Variants in GRK4 observed in about 807,000 individuals in gnomAD.
GRK4 encodes G protein-coupled receptor kinase 4.
Under a neutral mutation model 77.9 loss-of-function variants are expected in GRK4, and 73 were observed. That is an observed-to-expected ratio of 0.94 (90% CI 0.78 to 1.14). The LOEUF (loss-of-function observed/expected upper bound fraction) is 1.14. Ranked by LOEUF, GRK4 falls within the 50% of genes most tolerant of loss-of-function variation. GRK4 has a pLI of 0.00. For synonymous variants in GRK4, 257 were observed against 254.4 expected, an observed-to-expected ratio of 1.01 and a Z score of -0.10; for missense variants, 729 against 700.2, an observed-to-expected ratio of 1.04 and a Z score of -0.46.
intron 11 of GRK4, 46 bp from the exon 12 acceptor site, chr4:3,029,155 A>C: frequency 6.8e-7 from 1 of 1,471,362 alleles, no homozygotes; most frequent in Non-Finnish European, 9.4e-7. Context: ...AGAAAATTTA[A>C]AATCAAAATT....
intron 10 of GRK4, among the ~76,000 whole-genome samples, chr4:3,027,491 C>G (rs776645520): frequency 2.6e-5 from 4 of 152,312 alleles, no homozygotes; most frequent in Admixed American, 2.6e-4. Context: ...GAGAATAACT[C>G]CATATCATTC....
intron 4 of GRK4, among the ~76,000 whole-genome samples, chr4:3,001,369 ATTTTT>A (rs55673089): frequency 0.013 from 969 of 76,922 alleles, 32 homozygotes; most frequent in African/African-American, 0.057. Flanking sequence ...ATATATATAT[ATTTTT>A]TTTTTTTTTG....
chr4:3,000,153 T>C (rs1729100549), intron 4 of GRK4, among the ~76,000 whole-genome samples: 1 of 152,206 alleles, frequency 6.6e-6, no homozygotes. Context: ...TGATCCTTAA[T>C]GTAAAGCCCC....
chr4:2,971,478 A>G (rs1364585869), intron 1 of GRK4, among the ~76,000 whole-genome samples: 1 of 152,196 alleles, frequency 6.6e-6, no homozygotes, highest in African/African-American at 2.4e-5. Flanking sequence ...TACCTGATGG[A>G]TGAATGAATG....
At chr4:3,013,232 C>T (rs752645930) in intron 7 of GRK4, among the ~76,000 whole-genome samples, 1 of 151,716 alleles carries the variant, frequency 6.6e-6, no homozygotes, top group East Asian at 2.0e-4. Flanking sequence ...TTTTATTTTT[C>T]GTAGAGACGG....
chr4:2,965,156 G>C, intron 1 of GRK4: 1 of 632,992 alleles, frequency 1.6e-6, no homozygotes, highest in East Asian at 2.7e-5. Flanking sequence ...TTTGTTCAAG[G>C]CTCAGCTTTT....
In GRK4 at chr4:3,029,284, G is replaced by A. The variant is rs1226901293; in HGVS notation, c.1144G>A (p.Gly382Arg). 14 of 1,613,860 alleles carry A rather than the reference G, an allele frequency of 8.7e-6. No individual in the cohort carries two copies. Among genetic ancestry groups the A allele is most frequent in the Non-Finnish European group, 1.7e-6 (2 of 1,179,894 alleles). Residue 382 changes from glycine to arginine, a missense_variant, in exon 12 of 16, where the codon GGA (glycine) becomes AGA (arginine). Gly to Arg is a moderately radical substitution (Grantham distance 125, BLOSUM62 -2). Transcript: ENST00000398052. ...LGCLIYEMIQ[G>R]HSPFKKYKEK... Reference sequence around the variant, plus strand: ...CTGTCTGATCTATGAAATGATTCAGGGACATTCTCCATTCAAAAAATACAA... The same window carrying A: ...CTGTCTGATCTATGAAATGATTCAGAGACATTCTCCATTCAAAAAATACAA...
At chr4:2,987,810 T>C (rs1258213196) in intron 2 of GRK4, among the ~76,000 whole-genome samples, 1 of 151,974 alleles carries the variant, frequency 6.6e-6, no homozygotes, top group Non-Finnish European at 1.5e-5. Context: ...GCGCCATGAC[T>C]CATGCCGGTA....
intron 12 of GRK4, among the ~76,000 whole-genome samples, chr4:3,031,550 T>G (rs1354780841): frequency 1.3e-5 from 2 of 151,210 alleles, no homozygotes; most frequent in African/African-American, 4.9e-5. Flanking sequence ...TGCCAGGGAG[T>G]GACTAGAGGA....
chr4:3,000,564 CTTTTCTTTTCTT>C (rs1204622281), intron 4 of GRK4, among the ~76,000 whole-genome samples: 2 of 149,870 alleles, frequency 1.3e-5, no homozygotes, highest in Admixed American at 1.3e-4. Flanking sequence ...CTTTTCTTTT[CTTTTCTTTTCTT>C]TTTTTTTTTG....
chr4:3,021,447 T>C (rs965649055), intron 9 of GRK4, among the ~76,000 whole-genome samples: 2 of 152,210 alleles, frequency 1.3e-5, no homozygotes, highest in Non-Finnish European at 2.9e-5. Context: ...TTGATCTCAT[T>C]TCTTCCTATT....
At chr4:3,008,986 T>C (rs1336979456) in intron 6 of GRK4, among the ~76,000 whole-genome samples, 1 of 152,224 alleles carries the variant, frequency 6.6e-6, no homozygotes, top group East Asian at 1.9e-4. Context: ...ACCTGCTTTC[T>C]GACAGGTTGA....
At chr4:2,979,590 G>A (rs1399302867) in intron 1 of GRK4, among the ~76,000 whole-genome samples, 3 of 152,062 alleles carry the variant, frequency 2.0e-5, no homozygotes, top group African/African-American at 4.8e-5. Flanking sequence ...GCACATGCCT[G>A]TAATCCCAGC....
intron 1 of GRK4, among the ~76,000 whole-genome samples, chr4:2,978,528 T>C (rs193105688): frequency 3.3e-5 from 5 of 152,214 alleles, no homozygotes; most frequent in Non-Finnish European, 7.3e-5. Context: ...CATAAGCTGC[T>C]TGGAAACAGA....
chr4:2,964,780 G>A (rs1466821626), intron 1 of GRK4, among the ~76,000 whole-genome samples: 1 of 152,082 alleles, frequency 6.6e-6, no homozygotes, highest in African/African-American at 2.4e-5. Flanking sequence ...AAAAAGCCAA[G>A]GCCCAGAATG....
At chr4:3,023,152 AG>A (rs1736539324) in intron 10 of GRK4, among the ~76,000 whole-genome samples, 1 of 152,142 alleles carries the variant, frequency 6.6e-6, no homozygotes, top group South Asian at 2.1e-4. Flanking sequence ...GTCACAGAGC[AG>A]GGTGCAGATG....
Position 3,032,011 on chromosome 4 carries a change from C to T in GRK4, c.1269+2602C>T, listed in dbSNP as rs1739316708. ...GCTCGTCCTGGAGCCAGGGGTCAGC[C>T]TGGAGTTCTCCCGGCTACCTCACTC... On this transcript the variant is annotated intron_variant, in intron 12 of 15. Coordinates refer to ENST00000398052, the MANE Select transcript of GRK4 (RefSeq NM_182982.3). 2.6e-5 allele frequency among the ~76,000 whole-genome samples: 4 copies of T among 152,238 alleles called. No homozygotes were observed. In the South Asian group the frequency reaches 6.2e-4, roughly 24 times the overall value.
Position 3,029,082 on chromosome 4 carries a change from G to A in GRK4, c.1061-119G>A, listed in dbSNP as rs1269490702. Reference sequence around the variant, plus strand: ...CCACCGCTCCCAGCCTTAACATAATGTTTTTAAGGTTCGTCCATGTTGTCA... The same window carrying A: ...CCACCGCTCCCAGCCTTAACATAATATTTTTAAGGTTCGTCCATGTTGTCA... On this transcript the variant is annotated intron_variant, in intron 11 of 15. Coordinates refer to ENST00000398052, the MANE Select transcript of GRK4 (RefSeq NM_182982.3). 7 of 782,272 alleles carry A rather than the reference G, an allele frequency of 8.9e-6. 1 individual carries two copies. The highest frequency in any genetic ancestry group is 1.4e-5 in the Non-Finnish European group (7 of 488,020). 48.5% of individuals were successfully genotyped at this position (782,272 alleles called of 1,614,324 possible).
At chr4:3,026,141 T>TC (rs1737493478) in intron 10 of GRK4, among the ~76,000 whole-genome samples, 1 of 152,198 alleles carries the variant, frequency 6.6e-6, no homozygotes, top group South Asian at 2.1e-4. Flanking sequence ...GATAGAGTCC[T>TC]AGAAGTGGGT....
Sources: gnomAD v4.1 joint callset for allele counts (sites outside exome capture counted in the v4.1 genomes callset) on GRCh38, gnomAD v4.1.1 for gene constraint, MANE v1.5 for transcripts, NCBI Gene and HGNC (gene_info 2026-07-23, HGNC 2026-07-21) for gene names.